Variants in FHIP1B observed in about 807,000 individuals in gnomAD.
FHIP1B encodes FHF complex subunit HOOK interacting protein 1B.
FHIP1B carries 28 observed loss-of-function variants against 82.2 expected under a neutral mutation model. That is an observed-to-expected ratio of 0.34 (90% CI 0.25 to 0.47). The LOEUF (loss-of-function observed/expected upper bound fraction) is 0.47, where lower values mean the gene tolerates loss of function less well. Ranked by LOEUF, FHIP1B falls within the 20% of genes least tolerant of loss-of-function variation. The probability of loss-of-function intolerance (pLI) is 1.00; values close to 1 mark genes in which losing one functional copy is unlikely to be tolerated. For synonymous variants in FHIP1B, 585 were observed against 516.1 expected, an observed-to-expected ratio of 1.13 and a Z score of -1.81; for missense variants, 1,110 against 1,262.6, an observed-to-expected ratio of 0.88 and a Z score of 1.83.
At chr11:6,230,689 G>A (rs1847675139) in intron 1 of FHIP1B, among the ~76,000 whole-genome samples, 1 of 152,186 alleles carries the variant, frequency 6.6e-6, no homozygotes, top group South Asian at 2.1e-4. Flanking sequence ...CCTCTTTACA[G>A]CAATGAATCC....
intron 11 of FHIP1B, 28 bp downstream of exon 11, chr11:6,214,383 G>T: frequency 6.3e-7 from 1 of 1,576,458 alleles, no homozygotes; most frequent in Non-Finnish European, 8.6e-7. Context: ...AGGGAGGGCA[G>T]GTACGGGTGT....
chr11:6,218,485 A>C, intron 8 of FHIP1B, 115 bp downstream of exon 8: 1 of 1,479,820 alleles, frequency 6.8e-7, no homozygotes, highest in Non-Finnish European at 9.2e-7. Flanking sequence ...AAGACAGACT[A>C]TCATTCATGG....
Position 6,222,673 on chromosome 11 carries a change from C to T in FHIP1B, c.1024-64G>A, listed in dbSNP as rs987994992. ...TCCCTGCACATACAGGGCCATTTTC[C>T]CTGGATTCTAAGAGAAATCAGGAGC... On this transcript the variant is annotated intron_variant, in intron 5 of 11. Coordinates refer to ENST00000449352, the MANE Select transcript of FHIP1B (RefSeq NM_001098794.2). 5 of 1,590,106 alleles carry T rather than the reference C, an allele frequency of 3.1e-6. No individual in the cohort carries two copies. In the African/African-American group the frequency reaches 5.4e-5, roughly 17 times the overall value.
chr11:6,211,936 T>C, intron 11 of FHIP1B, 69 bp from the exon 12 acceptor site: 1 of 1,482,450 alleles, frequency 6.7e-7, no homozygotes, highest in Non-Finnish European at 8.9e-7. Flanking sequence ...AGAGGGGAGA[T>C]TCCCCCACCC....
chr11:6,217,611 C>T lies in FHIP1B; in HGVS notation c.1975G>A (p.Glu659Lys), dbSNP rs1025768459. Reference sequence around the variant, plus strand: ...CCCTCGGAGATGCCCTCTAGCAGTTCCCCAGCTCCCTCCTTTGGCACCAGA... The same window carrying T: ...CCCTCGGAGATGCCCTCTAGCAGTTTCCCAGCTCCCTCCTTTGGCACCAGA... ...VRLVPKEGAG[E>K]LLEGISEGMA... The change falls in exon 9 of 12, where the codon GAA (glutamate) becomes AAA (lysine). Residue 659 changes from glutamate to lysine, a missense_variant. By Grantham distance (56) the Glu-to-Lys change is moderately conservative. Transcript: ENST00000449352. 1.9e-6 allele frequency: 3 copies of T among 1,613,810 alleles called. No individual in the cohort carries two copies. The highest frequency in any genetic ancestry group is 1.7e-6 in the Non-Finnish European group (2 of 1,179,910).
At chr11:6,212,383 C>T (rs181221661) in intron 11 of FHIP1B, among the ~76,000 whole-genome samples, 1 of 152,344 alleles carries the variant, frequency 6.6e-6, no homozygotes, top group East Asian at 1.9e-4. Flanking sequence ...TAACACCCAA[C>T]CCACATCCTC....
chr11:6,219,545 A>C (rs1847347904), intron 6 of FHIP1B, among the ~76,000 whole-genome samples: 3 of 152,324 alleles, frequency 2.0e-5, no homozygotes, highest in African/African-American at 7.2e-5. Context: ...GCAAACATGA[A>C]GTCTGAGTCA....
In FHIP1B at chr11:6,219,053, G is replaced by A. The variant is rs781593048; in HGVS notation, c.1192-3C>T. The stretch of plus-strand genomic sequence containing the variant: ...AGACTCAGAGAGACCATGCAGAGCT[G>A]GGGGGGTGGAGGGGAGGGAGGGAGT... On this transcript the variant is annotated splice_region_variant and splice_polypyrimidine_tract_variant and intron_variant, in intron 6 of 11. Coordinates refer to ENST00000449352, the MANE Select transcript of FHIP1B (RefSeq NM_001098794.2). 11 of 1,604,660 alleles carry A rather than the reference G, an allele frequency of 6.9e-6. No individual in the cohort carries two copies. Among genetic ancestry groups the A allele is most frequent in the African/African-American group, 1.3e-5 (1 of 74,638 alleles).
intron 6 of FHIP1B, 151 bp downstream of exon 6, chr11:6,222,291 A>C: frequency 1.2e-6 from 1 of 833,050 alleles, no homozygotes; most frequent in Non-Finnish European, 1.9e-6. Context: ...AAAATGGTTA[A>C]AAGTTTAATG....
At chr11:6,216,804 A>G in intron 9 of FHIP1B, 1 of 523,390 alleles carries the variant, frequency 1.9e-6, no homozygotes, top group South Asian at 2.3e-5. Flanking sequence ...CCAAGAAGGT[A>G]CAAGGAAAGC....
Position 6,217,943 on chromosome 11 carries a change from T to C in FHIP1B, c.1643A>G (p.Glu548Gly). 1.9e-6 allele frequency: 3 copies of C among 1,612,882 alleles called. No homozygotes were observed. Among genetic ancestry groups the C allele is most frequent in the Non-Finnish European group, 2.5e-6 (3 of 1,180,016 alleles). The change falls in exon 9 of 12, where the codon GAA becomes GGA. Residue 548 changes from glutamate (E) to glycine (G), a missense_variant. By Grantham distance (98) the Glu-to-Gly change is moderately conservative. Around this residue, in one of 6 missense-constraint regions of FHIP1B, gnomAD observed 418 missense variants for 371.4 expected, o/e 1.13. Transcript: ENST00000449352. ...ACGCAGATACTCCAGGTAATTGTCT[T>C]CCAGCTCTCCAGGCTCCTCTGCAGG... ...PTPAEEPGEL[E>G]DNYLEYLREA...
chr11:6,218,191 G>A (rs746881217), intron 8 of FHIP1B, 41 bp from the exon 9 acceptor site: 9 of 1,570,778 alleles, frequency 5.7e-6, no homozygotes, highest in Admixed American at 1.9e-5. Context: ...AGGAGACAGA[G>A]GTTCAGAAGG....
chr11:6,224,065 G>A lies in FHIP1B; in HGVS notation c.322C>T (p.Arg108Cys), dbSNP rs1847494022. The change falls in exon 3 of 12, where the codon CGT (arginine) becomes TGT (cysteine). Residue 108 changes from arginine to cysteine, a missense_variant. Arg to Cys is a radical substitution (Grantham distance 180, BLOSUM62 -3). Transcript: ENST00000449352. ...CATTGCAGCTGCCATGTCAACACAC[G>A]GGTCAGCAGATCCTCGTGCAGAGCA... is the stretch of plus-strand genomic sequence containing the variant. Reference protein sequence around the residue: ...EFALHEDLLTRVLTWQLQWDE... With the variant: ...EFALHEDLLTCVLTWQLQWDE... 2.5e-6 allele frequency: 4 copies of A among 1,613,402 alleles called. No homozygotes were observed. Among genetic ancestry groups the A allele is most frequent in the African/African-American group, 1.3e-5 (1 of 74,906 alleles).
At chr11:6,224,278 A>T (rs1368280012) in intron 2 of FHIP1B, 30 bp from the exon 3 acceptor site, 4 of 1,613,242 alleles carry the variant, frequency 2.5e-6, no homozygotes, top group East Asian at 4.5e-5. Flanking sequence ...GATGGAAGGA[A>T]TCTAAATTGA....
rs754347089 is a variant in FHIP1B at position 6,223,059 on chromosome 11, G to C, written c.936+21C>G. 7 of 1,573,312 alleles carry C rather than the reference G, an allele frequency of 4.4e-6. No individual in the cohort carries two copies. The highest frequency in any genetic ancestry group is 5.2e-6 in the Non-Finnish European group (6 of 1,161,276). On this transcript the variant is annotated intron_variant, in intron 4 of 11. Coordinates refer to ENST00000449352, the MANE Select transcript of FHIP1B (RefSeq NM_001098794.2). The surrounding 1 kb of genome is among the most constrained non-coding windows in gnomAD (Gnocchi z 4.8). Reference sequence around the variant, plus strand: ...TACCTAATCTCCCAAAAATGACCAAGGGCCAGACTTTCAGTCCTACCTGAA... The same window carrying C: ...TACCTAATCTCCCAAAAATGACCAACGGCCAGACTTTCAGTCCTACCTGAA...
At chr11:6,229,649 A>G (rs540037007) in intron 1 of FHIP1B, among the ~76,000 whole-genome samples, 3 of 152,318 alleles carry the variant, frequency 2.0e-5, no homozygotes, top group Admixed American at 2.0e-4. Context: ...TGAGGTGCCC[A>G]TTATTGCTCC....
chr11:6,230,665 A>C (rs1847674216), intron 1 of FHIP1B, among the ~76,000 whole-genome samples: 1 of 152,194 alleles, frequency 6.6e-6, no homozygotes, highest in South Asian at 2.1e-4. Context: ...GTGAACCTCT[A>C]TTCTACAGTG....
At chr11:6,218,559 C>T (rs750055025) in intron 8 of FHIP1B, 41 bp downstream of exon 8, 17 of 1,613,142 alleles carry the variant, frequency 1.1e-5, no homozygotes, top group South Asian at 2.2e-5. Context: ...AGGCCATACC[C>T]GTGATGTCCT....
chr11:6,223,263 T>C lies in FHIP1B; in HGVS notation c.778-25A>G. ...CCTATGAGAAGTTACCAAAAGCTCA[T>C]ATATAAAATACATTTATAAAATATA... On this transcript the variant is annotated intron_variant, in intron 3 of 11. Transcript: ENST00000449352. This position sits in a 1 kb window ranked among gnomAD's most constrained non-coding sequence, Gnocchi z 4.8. 4 of 1,578,132 alleles carry C rather than the reference T, an allele frequency of 2.5e-6. No individual in the cohort carries two copies. Among genetic ancestry groups the C allele is most frequent in the East Asian group, 2.2e-5 (1 of 44,522 alleles).
Sources: allele counts gnomAD v4.1 joint callset (sites outside exome capture counted in the v4.1 genomes callset), GRCh38; gene constraint gnomAD v4.1.1; regional missense constraint gnomAD v4.1.1; non-coding constraint Gnocchi (gnomAD v3.1); transcripts MANE v1.5; gene names NCBI Gene and HGNC (gene_info 2026-07-23, HGNC 2026-07-21).